Variants in DPP6 observed in about 807,000 individuals in gnomAD.
DPP6 encodes A-type potassium channel modulatory protein DPP6.
Under a neutral mutation model 122.6 loss-of-function variants are expected in DPP6, and 69 were observed. That is an observed-to-expected ratio of 0.56 (90% CI 0.46 to 0.69). DPP6 has a LOEUF of 0.69. Ranked by LOEUF, DPP6 falls within the 30% of genes least tolerant of loss-of-function variation. The probability of loss-of-function intolerance (pLI) is 0.00; values close to 1 mark genes in which losing one functional copy is unlikely to be tolerated. For synonymous variants in DPP6, 418 were observed against 433.1 expected, an observed-to-expected ratio of 0.97 and a Z score of 0.43; for missense variants, 928 against 1,116.9, an observed-to-expected ratio of 0.83 and a Z score of 2.41.
chr7:154,188,630 C>T (rs192071737), intron 1 of DPP6, among the ~76,000 whole-genome samples: 178 of 152,166 alleles, frequency 1.2e-3, no homozygotes, highest in African/African-American at 4.0e-3. Flanking sequence ...TTGAGTTTTG[C>T]GAGTGAGCTT....
the DPP6 span, among the ~76,000 whole-genome samples, chr7:153,863,126 T>C: frequency 6.6e-6 from 1 of 151,008 alleles, no homozygotes; most frequent in African/African-American, 2.5e-5. Context: ...GTTTCTCTTA[T>C]TATATAACTC....
At chr7:153,854,203 A>G in the DPP6 span, among the ~76,000 whole-genome samples, 3 of 151,504 alleles carry the variant, frequency 2.0e-5, no homozygotes, top group Non-Finnish European at 2.9e-5. Flanking sequence ...CCATTGATCT[A>G]TATCTCTGTT....
intron 1 of DPP6, among the ~76,000 whole-genome samples, chr7:153,904,687 G>A (rs189880582): frequency 4.1e-4 from 62 of 152,250 alleles, no homozygotes; most frequent in African/African-American, 5.3e-4. Context: ...TATAGTCCTC[G>A]CCTTCCTTCT....
At chr7:153,887,659 A>T in exon 1 of DPP6, 2 of 1,613,660 alleles carry the variant, frequency 1.2e-6, no homozygotes, top group Non-Finnish European at 1.7e-6. Flanking sequence ...CCTGGACCAG[A>T]AGTCGGGTTC....
Position 153,930,757 on chromosome 7 carries a change from G to A in DPP6, c.51+43023G>A, listed in dbSNP as rs1662703270. Among the ~76,000 whole-genome samples the A allele has an allele frequency of 2.0e-5, 3 of 152,212 alleles. No homozygotes were observed. The South Asian group carries it at 6.2e-4, about 32-fold the overall frequency. On this transcript the variant is annotated intron_variant, in intron 1 of 25. Transcript: ENST00000404039. ...GGAATAGACAGTTCAGGGAGGCAGAGTTTGGCTTTTGGAATTGCTTTCAGG... is the reference window on the plus strand; with the variant it reads ...GGAATAGACAGTTCAGGGAGGCAGAATTTGGCTTTTGGAATTGCTTTCAGG...
chr7:154,694,436 AC>A (rs1365538812), intron 7 of DPP6, among the ~76,000 whole-genome samples: 1 of 152,096 alleles, frequency 6.6e-6, no homozygotes, highest in Non-Finnish European at 1.5e-5. Flanking sequence ...ACATGGGGAA[AC>A]CCCGTCTCCA....
intron 1 of DPP6, among the ~76,000 whole-genome samples, chr7:154,302,182 C>G (rs927083652): frequency 1.3e-5 from 2 of 152,086 alleles, no homozygotes; most frequent in Non-Finnish European, 2.9e-5. Context: ...AACTCCTCAC[C>G]TCCCGCTCCC....
chr7:154,061,260 C>T (rs1210637407), intron 1 of DPP6, among the ~76,000 whole-genome samples: 19 of 149,518 alleles, frequency 1.3e-4, no homozygotes, highest in Admixed American at 9.9e-4. Context: ...ATGGGGATCC[C>T]AACAACAGCA....
chr7:154,106,950 A>ATGGAGAGAAGGGAC (rs1806207344), intron 1 of DPP6, among the ~76,000 whole-genome samples: 1 of 152,162 alleles, frequency 6.6e-6, no homozygotes, highest in Non-Finnish European at 1.5e-5. Flanking sequence ...TGGCGAGGAT[A>ATGGAGAGAAGGGAC]TGGAGAGAAG....
chr7:154,625,663 G>A (rs1835019566), intron 5 of DPP6, among the ~76,000 whole-genome samples: 1 of 152,236 alleles, frequency 6.6e-6, no homozygotes, highest in Non-Finnish European at 1.5e-5. Context: ...GGGGCTGACA[G>A]GTGAAATACA....
intron 1 of DPP6, among the ~76,000 whole-genome samples, chr7:154,126,349 G>T (rs1807885098): frequency 6.6e-6 from 1 of 152,212 alleles, no homozygotes; most frequent in Non-Finnish European, 1.5e-5. Flanking sequence ...TCCAAATGGG[G>T]TCATGAGAGA....
At chr7:154,233,688 A>G (rs550869941) in intron 1 of DPP6, among the ~76,000 whole-genome samples, 1 of 152,318 alleles carries the variant, frequency 6.6e-6, no homozygotes, top group South Asian at 2.1e-4. Context: ...CATAGGACAG[A>G]TTCTCTTACA....
intron 1 of DPP6, among the ~76,000 whole-genome samples, chr7:153,933,866 A>G (rs973252375): frequency 4.6e-5 from 7 of 152,188 alleles, no homozygotes; most frequent in Admixed American, 4.6e-4. Context: ...TGGATTGGCC[A>G]GCCACAGCCT....
intron 1 of DPP6, among the ~76,000 whole-genome samples, chr7:154,132,343 GC>G (rs1188427826): frequency 6.6e-6 from 1 of 152,118 alleles, no homozygotes; most frequent in Admixed American, 6.6e-5. Flanking sequence ...TAGAGTTATT[GC>G]CTAAGACCCA....
At chr7:153,863,407 A>G in the DPP6 span, among the ~76,000 whole-genome samples, 1 of 152,214 alleles carries the variant, frequency 6.6e-6, no homozygotes, top group East Asian at 1.9e-4. Flanking sequence ...GTAAACAACA[A>G]CAACAACAAA....
intron 1 of DPP6, among the ~76,000 whole-genome samples, chr7:154,387,667 A>T (rs12672696): frequency 1.3e-5 from 2 of 151,874 alleles, no homozygotes; most frequent in Non-Finnish European, 2.9e-5. Flanking sequence ...TACTGTTTTC[A>T]TCCAGTCCTC....
intron 1 of DPP6, among the ~76,000 whole-genome samples, chr7:154,119,785 T>C (rs2150602809): frequency 6.7e-6 from 1 of 149,290 alleles, no homozygotes; most frequent in East Asian, 1.9e-4. Flanking sequence ...TTCAAGGTTA[T>C]ATCTTGAAAC....
the DPP6 span, among the ~76,000 whole-genome samples, chr7:153,811,076 G>A: frequency 6.6e-6 from 1 of 151,894 alleles, no homozygotes; most frequent in Non-Finnish European, 1.5e-5. Context: ...CCTCTGGTGA[G>A]AATGCAATAA....
intron 7 of DPP6, among the ~76,000 whole-genome samples, chr7:154,672,196 G>A (rs921446710): frequency 6.6e-6 from 1 of 152,142 alleles, no homozygotes; most frequent in Admixed American, 6.5e-5. Context: ...CCTGTGAAGA[G>A]GTGCCTTCTG....
Sources: allele counts gnomAD v4.1 joint callset (sites outside exome capture counted in the v4.1 genomes callset), GRCh38; gene constraint gnomAD v4.1.1; transcripts MANE v1.5; gene names NCBI Gene and HGNC (gene_info 2026-07-23, HGNC 2026-07-21).